The following SLC25A25 variants were observed in gnomAD, a reference collection of about 807,000 sequenced individuals.
SLC25A25 encodes mitochondrial adenyl nucleotide antiporter SLC25A25.
In SLC25A25, 32 loss-of-function variants were observed where a neutral mutation model predicts 57.7. The ratio of observed to expected loss-of-function variants is 0.55; its 90% confidence interval spans 0.42 to 0.74. The LOEUF is 0.74. SLC25A25 is among the 30% of genes least tolerant of loss of function. The probability of loss-of-function intolerance (pLI) is 0.00; values close to 1 mark genes in which losing one functional copy is unlikely to be tolerated. For missense variants in SLC25A25, 556 were observed against 701.3 expected, an observed-to-expected ratio of 0.79 and a Z score of 2.34; for synonymous variants, 306 against 291.2, an observed-to-expected ratio of 1.05 and a Z score of -0.52.
chr9:128,090,507 A>G (rs1459026814), intron 1 of SLC25A25, among the ~76,000 whole-genome samples: 1 of 148,196 alleles, frequency 6.7e-6, no homozygotes, highest in Non-Finnish European at 1.5e-5. Context: ...TTGTGTTTGT[A>G]TTTTTAAAAT....
At position 128,106,201 on chromosome 9, in the gene SLC25A25, C is replaced by T; in HGVS notation, c.988C>T (p.Leu330Phe). 6.2e-7 allele frequency: 1 copy of T among 1,614,222 alleles called. No individual in the cohort carries two copies. Among genetic ancestry groups the T allele is most frequent in the Middle Eastern group, 1.7e-4 (1 of 6,050 alleles). The change falls in exon 8 of 11, where the codon CTT becomes TTT. Residue 330 changes from leucine to phenylalanine, a missense_variant. Coordinates refer to ENST00000373069, the MANE Select transcript of SLC25A25 (RefSeq NM_001330988.2). ...GGAGACTCTGAGGATTCACGAGAGG[C>T]TTGTGGCAGGGTCCTTGGCAGGGGC... ...DQETLRIHER[L>F]VAGSLAGAIA... is the part of the protein sequence containing the mutation.
chr9:128,103,361 C>T lies in SLC25A25; in HGVS notation c.625-320C>T, dbSNP rs1184672517. Among the ~76,000 whole-genome samples, 1 of 152,234 alleles carries T rather than the reference C, an allele frequency of 6.6e-6. No homozygotes were observed. Among genetic ancestry groups the T allele is most frequent in the Non-Finnish European group, 1.5e-5 (1 of 68,032 alleles). On this transcript the variant is annotated intron_variant, in intron 5 of 10. Coordinates refer to ENST00000373069, the MANE Select transcript of SLC25A25 (RefSeq NM_001330988.2). This position sits in a 1 kb window ranked among gnomAD's most constrained non-coding sequence, Gnocchi z 6.7. ...CAGCGCAGCCAGCCTGGCAATCTCA[C>T]ACAGGCCTGTGAGCTGTTCTTGCAG...
rs1833878162 is a variant in SLC25A25 at position 128,103,168 on chromosome 9, A to AGCCCTGGGATCAGAGCAGAGGTG, written c.625-510_625-488dup. Among the ~76,000 whole-genome samples the AGCCCTGGGATCAGAGCAGAGGTG allele has an allele frequency of 6.6e-6, 1 of 152,320 alleles. No homozygotes were observed. The highest frequency in any genetic ancestry group is 2.4e-5 in the African/African-American group (1 of 41,574). ...TAGCTGGCCCAGAGCTCTGGCCTTT[A>AGCCCTGGGATCAGAGCAGAGGTG]GCCCTGGGATCAGAGCAGAGGTGGC... On this transcript the variant is annotated intron_variant, in intron 5 of 10. Transcript: ENST00000373069. This position sits in a 1 kb window ranked among gnomAD's most constrained non-coding sequence, Gnocchi z 6.7.
At position 128,095,220 on chromosome 9, in the gene SLC25A25, C is replaced by T. The variant is rs1564187269; in HGVS notation, c.262-5876C>T. Among the ~76,000 whole-genome samples the T allele has an allele frequency of 6.6e-6, 1 of 152,200 alleles. No homozygotes were observed. The highest frequency in any genetic ancestry group is 1.5e-5 in the Non-Finnish European group (1 of 68,038). ...GCCGCCTTCCAGTATGAGGTATCAC[C>T]TACTGTCTGGCTTACCGGCATCCTT... On this transcript the variant is annotated intron_variant, in intron 1 of 10. Coordinates refer to ENST00000373069, the MANE Select transcript of SLC25A25 (RefSeq NM_001330988.2). The surrounding 1 kb of genome is among the most constrained non-coding windows in gnomAD (Gnocchi z 4.4).
Position 128,103,599 on chromosome 9 carries a change from G to A in SLC25A25, c.625-82G>A, listed in dbSNP as rs903945505. On this transcript the variant is annotated intron_variant, in intron 5 of 10. Coordinates refer to ENST00000373069, the MANE Select transcript of SLC25A25 (RefSeq NM_001330988.2). This position sits in a 1 kb window ranked among gnomAD's most constrained non-coding sequence, Gnocchi z 6.7. ...GTCCTGTGGTCCCTGGCCTGGAGCC[G>A]TGCTAGAGGGTAGACGGCGACAGGT... The A allele has an allele frequency of 3.4e-5, 54 of 1,584,692 alleles. No individual in the cohort carries two copies. The highest frequency in any genetic ancestry group is 1.5e-4 in the Admixed American group (9 of 59,426).
At chr9:128,090,775 GC>G (rs1833384756) in intron 1 of SLC25A25, among the ~76,000 whole-genome samples, 1 of 152,216 alleles carries the variant, frequency 6.6e-6, no homozygotes, top group South Asian at 2.1e-4. Context: ...GCGACCCACT[GC>G]GCTCCAGCCT....
chr9:128,071,861 G>C (rs760465043), intron 1 of SLC25A25, among the ~76,000 whole-genome samples: 1 of 151,080 alleles, frequency 6.6e-6, no homozygotes, highest in Non-Finnish European at 1.5e-5. Context: ...ACAGGCGCCC[G>C]CCACCATGGC....
rs78160113 is a variant in SLC25A25, at chr9:128,096,913, G to A, written c.262-4183G>A. Among the ~76,000 whole-genome samples the A allele has an allele frequency of 5.4e-3, 818 of 152,346 alleles. 28 individuals are homozygous for A. In the East Asian group the frequency reaches 0.099, roughly 18 times the overall value. On this transcript the variant is annotated intron_variant, in intron 1 of 10. Transcript: ENST00000373069. ...AATCCAGTGCGACCTCATAGGATCC[G>A]TCACTAGGGTAGCCCAAGACCTGTT...
At position 128,103,890 on chromosome 9, in the gene SLC25A25, G is replaced by A. The variant is rs770847637; in HGVS notation, c.783+51G>A. On this transcript the variant is annotated intron_variant, in intron 6 of 10. Coordinates refer to ENST00000373069, the MANE Select transcript of SLC25A25 (RefSeq NM_001330988.2). The surrounding 1 kb of genome is among the most constrained non-coding windows in gnomAD (Gnocchi z 6.7). Reference sequence around the variant, plus strand: ...CCTGGGGGGCCAGTTTCCACCTGGGGGATGCTGCTTGGCTAGTTTTCCCTT... The same window carrying A: ...CCTGGGGGGCCAGTTTCCACCTGGGAGATGCTGCTTGGCTAGTTTTCCCTT... The A allele has an allele frequency of 6.7e-7, 1 of 1,483,640 alleles. No homozygotes were observed. Among genetic ancestry groups the A allele is most frequent in the Non-Finnish European group, 8.9e-7 (1 of 1,118,388 alleles). 91.9% of individuals were successfully genotyped at this position (1,483,640 alleles called of 1,614,324 possible). A position where few individuals can be genotyped will look rare whatever the true frequency, so the allele number is the denominator to read the frequency against.
intron 1 of SLC25A25, among the ~76,000 whole-genome samples, chr9:128,074,724 A>G (rs1260074360): frequency 6.6e-6 from 1 of 152,094 alleles, no homozygotes; most frequent in Non-Finnish European, 1.5e-5. Context: ...AACAAAACAA[A>G]AAAGAACATA....
At chr9:128,086,103 T>C (rs188545756) in intron 1 of SLC25A25, among the ~76,000 whole-genome samples, 1 of 152,238 alleles carries the variant, frequency 6.6e-6, no homozygotes, top group East Asian at 1.9e-4. Flanking sequence ...GAATGTGTAT[T>C]CTGCTGTTGT....
At position 128,068,487 on chromosome 9, in the gene SLC25A25, G is replaced by C. The variant is rs752077892; in HGVS notation, c.168G>C (p.Thr56=). Residue 56 remains threonine (T), a synonymous_variant, in exon 1 of 11, where the codon ACG becomes ACC. Transcript: ENST00000373069. Reference sequence around the variant, plus strand: ...TGCGCCTGTGGAGACTCTTTCAGACGCTCGACGTCAACCGGGACGGCGGCC... The same window carrying C: ...TGCGCCTGTGGAGACTCTTTCAGACCCTCGACGTCAACCGGGACGGCGGCC... ...HRLRLWRLFQ[T]LDVNRDGGLC... 23 of 1,515,494 alleles carry C rather than the reference G, an allele frequency of 1.5e-5. No homozygotes were observed. In the African/African-American group the frequency reaches 2.9e-4, roughly 19 times the overall value. The allele number at this position is 1,515,494 out of a possible 1,614,324, so 93.9% of individuals were successfully genotyped here. A position where few individuals can be genotyped will look rare whatever the true frequency, so the allele number is the denominator to read the frequency against.
intron 6 of SLC25A25, among the ~76,000 whole-genome samples, chr9:128,105,205 C>T (rs944506491): frequency 7.8e-5 from 9 of 115,912 alleles, no homozygotes; most frequent in Admixed American, 2.4e-4. Context: ...GAGTCTCGCT[C>T]TGTCGCCCAG....
rs560425210 is a variant in SLC25A25, at chr9:128,079,633, C to T, written c.261+11053C>T. 1.0e-3 allele frequency among the ~76,000 whole-genome samples: 151 copies of T among 149,830 alleles called. 2 individuals carry two copies. The highest frequency in any genetic ancestry group is 5.0e-3 in the East Asian group (26 of 5,150). On this transcript the variant is annotated intron_variant, in intron 1 of 10. Transcript: ENST00000373069. The stretch of plus-strand genomic sequence containing the variant: ...AAAAAAAAAAAAAAAAAAAATTAGC[C>T]GGGCCTGGTGGCGCATGCCTGTAAT...
Position 128,102,305 on chromosome 9 carries a change from G to T in SLC25A25, c.513-65G>T, listed in dbSNP as rs557282443. The stretch of plus-strand genomic sequence containing the variant: ...AATGCCTGCCCTTGGCTCACTGGGA[G>T]GTGGGGGGATGCAGCTGGCGGATGG... On this transcript the variant is annotated intron_variant, in intron 4 of 10. Transcript: ENST00000373069. This position sits in a 1 kb window ranked among gnomAD's most constrained non-coding sequence, Gnocchi z 4.1. 131 of 1,496,736 alleles carry T rather than the reference G, an allele frequency of 8.8e-5. No individual in the cohort carries two copies. The Middle Eastern group carries it at 1.2e-3, about 14-fold the overall frequency. 92.7% of individuals were successfully genotyped at this position (1,496,736 alleles called of 1,614,324 possible).
Position 128,102,631 on chromosome 9 carries a change from G to A in SLC25A25, c.624+150G>A. 1 of 645,740 alleles carries A rather than the reference G, an allele frequency of 1.5e-6. No homozygotes were observed. Among genetic ancestry groups the A allele is most frequent in the African/African-American group, 1.8e-5 (1 of 54,900 alleles). The allele number at this position is 645,740 out of a possible 1,614,324, so 40.0% of individuals were successfully genotyped here. On this transcript the variant is annotated intron_variant, in intron 5 of 10. Coordinates refer to ENST00000373069, the MANE Select transcript of SLC25A25 (RefSeq NM_001330988.2). This position sits in a 1 kb window ranked among gnomAD's most constrained non-coding sequence, Gnocchi z 4.1. ...TCCCCTCTTCTGCCAGCCCAGTAGAGCTGTCCGCATGTTCCCCATGTTCTG... is the reference window on the plus strand; with the variant it reads ...TCCCCTCTTCTGCCAGCCCAGTAGAACTGTCCGCATGTTCCCCATGTTCTG...
At chr9:128,087,933 T>C (rs1415229882) in intron 1 of SLC25A25, among the ~76,000 whole-genome samples, 2 of 152,230 alleles carry the variant, frequency 1.3e-5, no homozygotes, top group Non-Finnish European at 2.9e-5. Context: ...TTCTTGTGCA[T>C]AGGAAGTACA....
intron 1 of SLC25A25, chr9:128,091,770 G>A: frequency 2.0e-6 from 3 of 1,494,082 alleles, no homozygotes; most frequent in Non-Finnish European, 8.9e-7. Flanking sequence ...AGAACCCCAG[G>A]CCCGTCCTCC....
intron 1 of SLC25A25, among the ~76,000 whole-genome samples, chr9:128,080,067 T>TA (rs1228568211): frequency 6.8e-6 from 1 of 148,070 alleles, no homozygotes; most frequent in African/African-American, 2.5e-5. Flanking sequence ...GAGAATCGCT[T>TA]AAAAAAACTC....
Sources: gnomAD v4.1 joint callset for allele counts (sites outside exome capture counted in the v4.1 genomes callset) on GRCh38, gnomAD v4.1.1 for gene constraint, Gnocchi (gnomAD v3.1) non-coding constraint, MANE v1.5 for transcripts, NCBI Gene and HGNC (gene_info 2026-07-23, HGNC 2026-07-21) for gene names.